MYT1L: variants seen among roughly 807,000 people sequenced by gnomAD.
MYT1L encodes the protein myelin transcription factor 1-like protein.
MYT1L carries 12 observed loss-of-function variants against 126.7 expected under a neutral mutation model. The ratio of observed to expected loss-of-function variants is 0.09; its 90% CI spans 0.06 to 0.15. MYT1L has a LOEUF of 0.15. Ranked by LOEUF, MYT1L falls within the 10% of genes least tolerant of loss-of-function variation. The pLI is 1.00. For synonymous variants in MYT1L, 541 were observed against 604.2 expected (o/e 0.90, Z 1.53); for missense variants, 979 against 1,585.2 (o/e 0.62, Z 6.49).
At chr2:2,144,469 T>C (rs923479976) in intron 3 of MYT1L, among the ~76,000 whole-genome samples, 4 of 152,248 alleles carry the variant, frequency 2.6e-5, no homozygotes, top group Non-Finnish European at 5.9e-5. Flanking sequence ...TTGTTCCTTG[T>C]ATAATCAAAT....
intron 18 of MYT1L, among the ~76,000 whole-genome samples, chr2:1,871,847 T>A (rs2046321849): frequency 6.6e-6 from 1 of 152,112 alleles, no homozygotes; most frequent in Non-Finnish European, 1.5e-5. Context: ...GAGCTCAGGA[T>A]TCAAACCAAA....
intron 3 of MYT1L, among the ~76,000 whole-genome samples, chr2:2,164,586 G>A (rs2088680696): frequency 1.3e-5 from 2 of 152,158 alleles, no homozygotes; most frequent in African/African-American, 2.4e-5. Context: ...TTAGCACAAT[G>A]CCTCACATAG....
Position 1,979,446 on chromosome 2 carries a change from G to T in MYT1L, c.89+75C>A. The T allele has an allele frequency of 2.2e-6, 3 of 1,387,602 alleles. No homozygotes were observed. In the East Asian group the frequency reaches 6.9e-5, roughly 32 times the overall value. 86.0% of individuals were successfully genotyped at this position (1,387,602 alleles called of 1,614,324 possible). A position where few individuals can be genotyped will look rare whatever the true frequency, so the allele number is the denominator to read the frequency against. ...GAGCAAGCTGCCGATGAGCTGGAAG[G>T]TGCAGTGTGCCCATTAGAAGGCGTG... On this transcript the variant is annotated intron_variant, in intron 7 of 24. Coordinates refer to ENST00000647738, the MANE Select transcript of MYT1L (RefSeq NM_001303052.2). The surrounding 1 kb of genome is among the most constrained non-coding windows in gnomAD (Gnocchi z 4.0).
intron 3 of MYT1L, among the ~76,000 whole-genome samples, chr2:2,147,977 C>G (rs966406006): frequency 6.6e-6 from 1 of 152,220 alleles, no homozygotes; most frequent in Non-Finnish European, 1.5e-5. Flanking sequence ...GCATCTGAAT[C>G]TGTAGTTCTA....
intron 2 of MYT1L, among the ~76,000 whole-genome samples, chr2:2,249,963 A>G (rs1173034555): frequency 6.6e-6 from 1 of 152,228 alleles, no homozygotes. Context: ...AATCAAAGCT[A>G]CAATGAGATA....
At position 1,791,001 on chromosome 2, in the gene MYT1L, T is replaced by C. The variant is rs538697651; in HGVS notation, c.*866A>G. ...TACGAGAAGGTTGTTCCAAAGTTTATTGAAAATGGAAAAGGAAATCTTCAC... is the reference window on the plus strand; with the variant it reads ...TACGAGAAGGTTGTTCCAAAGTTTACTGAAAATGGAAAAGGAAATCTTCAC... On this transcript the variant is annotated 3_prime_UTR_variant, in exon 25 of 25. Coordinates refer to ENST00000647738, the MANE Select transcript of MYT1L (RefSeq NM_001303052.2). The surrounding 1 kb of genome is among the most constrained non-coding windows in gnomAD (Gnocchi z 6.0). 1.3e-5 allele frequency: 4 copies of C among 298,472 alleles called. No individual in the cohort carries two copies. The highest frequency in any genetic ancestry group is 3.2e-5 in the South Asian group (1 of 30,820). The allele number at this position is 298,472 out of a possible 1,614,324, so 18.5% of individuals were successfully genotyped here.
intron 3 of MYT1L, among the ~76,000 whole-genome samples, chr2:2,157,949 A>T (rs2148387555): frequency 6.6e-6 from 1 of 152,068 alleles, no homozygotes; most frequent in African/African-American, 2.4e-5. Context: ...CACCAGAGAG[A>T]CCTCATATCT....
At chr2:1,892,879 G>A (rs1389277460) in intron 14 of MYT1L, among the ~76,000 whole-genome samples, 1 of 152,228 alleles carries the variant, frequency 6.6e-6, no homozygotes, top group African/African-American at 2.4e-5. Context: ...GGCTGGGCAT[G>A]CAGACCAGAT....
intron 21 of MYT1L, among the ~76,000 whole-genome samples, chr2:1,834,584 C>A (rs902403903): frequency 6.6e-6 from 1 of 152,194 alleles, no homozygotes; most frequent in African/African-American, 2.4e-5. Flanking sequence ...CACAAAAAAG[C>A]AAACCCCATG....
chr2:2,092,200 G>A (rs977720517), intron 3 of MYT1L, among the ~76,000 whole-genome samples: 3 of 152,048 alleles, frequency 2.0e-5, no homozygotes, highest in African/African-American at 4.8e-5. Flanking sequence ...TTAACATAAG[G>A]GACATAAAAC....
chr2:2,149,065 C>T (rs1238144604), intron 3 of MYT1L, among the ~76,000 whole-genome samples: 2 of 152,074 alleles, frequency 1.3e-5, no homozygotes, highest in Non-Finnish European at 2.9e-5. Context: ...TCTTAGTTTG[C>T]TCTATGCAGG....
chr2:2,256,179 G>A (rs2149251878), intron 2 of MYT1L, among the ~76,000 whole-genome samples: 1 of 152,370 alleles, frequency 6.6e-6, no homozygotes, highest in Middle Eastern at 3.4e-3. Context: ...AGTGTTCTCA[G>A]TGCTGACATG....
chr2:1,797,054 C>T (rs2033692610), intron 23 of MYT1L, among the ~76,000 whole-genome samples: 1 of 151,794 alleles, frequency 6.6e-6, no homozygotes. Context: ...TGAGATGCGT[C>T]TGGGGAATCG....
chr2:1,962,762 A>C (rs909665152), intron 8 of MYT1L, among the ~76,000 whole-genome samples: 2 of 152,186 alleles, frequency 1.3e-5, no homozygotes, highest in African/African-American at 4.8e-5. Flanking sequence ...ATTTTATCTC[A>C]AGAAACCACC....
At chr2:2,166,964 T>C (rs1475595368) in intron 3 of MYT1L, among the ~76,000 whole-genome samples, 1 of 152,204 alleles carries the variant, frequency 6.6e-6, no homozygotes, top group African/African-American at 2.4e-5. Context: ...ATTTTCCACA[T>C]AGCTGCATAG....
intron 2 of MYT1L, among the ~76,000 whole-genome samples, chr2:2,236,221 G>A (rs1242646543): frequency 0.16 from 4,652 of 29,102 alleles, no homozygotes; most frequent in Middle Eastern, 0.19. Flanking sequence ...TCCCAACCCA[G>A]CCCAGCACAT....
At chr2:1,864,841 C>A (rs2045245472) in intron 18 of MYT1L, among the ~76,000 whole-genome samples, 1 of 152,202 alleles carries the variant, frequency 6.6e-6, no homozygotes, top group South Asian at 2.1e-4. Context: ...ACATGCCAGG[C>A]TCGCAGAGCT....
At chr2:1,833,837 C>T (rs544335246) in intron 21 of MYT1L, among the ~76,000 whole-genome samples, 25 of 135,158 alleles carry the variant, frequency 1.8e-4, no homozygotes, top group African/African-American at 7.5e-4. Context: ...GGAGCAGGAT[C>T]GGGGAAAGGA....
chr2:2,117,601 C>T (rs916904743), intron 3 of MYT1L, among the ~76,000 whole-genome samples: 3 of 152,174 alleles, frequency 2.0e-5, no homozygotes, highest in East Asian at 1.9e-4. Flanking sequence ...ATGAACAACA[C>T]GTGACAGGGA....
Sources: gnomAD v4.1 joint callset for allele counts (sites outside exome capture counted in the v4.1 genomes callset) on GRCh38, gnomAD v4.1.1 for gene constraint, Gnocchi (gnomAD v3.1) non-coding constraint, MANE v1.5 for transcripts, NCBI Gene and HGNC (gene_info 2026-07-23, HGNC 2026-07-21) for gene names.